Variants in PCDHGB3 observed in about 807,000 individuals in gnomAD.
PCDHGB3 encodes protocadherin gamma-B3.
A neutral mutation model predicts 59.2 loss-of-function variants in PCDHGB3; 40 were observed. The observed-to-expected ratio is 0.68, with a 90% CI of 0.52 to 0.88. PCDHGB3 has a LOEUF of 0.88. Ranked by LOEUF, PCDHGB3 falls within the 40% of genes least tolerant of loss-of-function variation. The pLI is 0.00. For missense variants in PCDHGB3, 1,309 were observed against 1,187.9 expected (o/e 1.10, Z -1.50); for synonymous variants, 581 against 503.6 (o/e 1.15, Z -2.06).
chr5:141,430,015 T>G (rs2097256653), intron 1 of PCDHGB3, among the ~76,000 whole-genome samples: 1 of 152,236 alleles, frequency 6.6e-6, no homozygotes, highest in South Asian at 2.1e-4. Context: ...TTCACTTGGG[T>G]TCTTGTTAAG....
intron 1 of PCDHGB3, among the ~76,000 whole-genome samples, chr5:141,397,541 C>G (rs1385892486): frequency 6.6e-6 from 1 of 152,014 alleles, no homozygotes; most frequent in Non-Finnish European, 1.5e-5. Context: ...TTTTTGAAAT[C>G]AGTATAGTAT....
At position 141,491,093 on chromosome 5, in the gene PCDHGB3, T is replaced by G; in HGVS notation, c.2416-3714T>G. The G allele has an allele frequency of 6.2e-7, 1 of 1,614,160 alleles. No individual in the cohort carries two copies. The highest frequency in any genetic ancestry group is 8.5e-7 in the Non-Finnish European group (1 of 1,180,008). On this transcript the variant is annotated intron_variant, in intron 1 of 3. Transcript: ENST00000576222. This position sits in a 1 kb window ranked among gnomAD's most constrained non-coding sequence, Gnocchi z 6.9. ...TTGCCACAGTCCACAGCCCCAGGAC[T>G]GTTCCTCGTGTCTACACACACTGGT... is the stretch of plus-strand genomic sequence containing the variant.
intron 1 of PCDHGB3, among the ~76,000 whole-genome samples, chr5:141,406,639 A>G (rs1301755864): frequency 6.6e-6 from 1 of 152,208 alleles, no homozygotes; most frequent in Non-Finnish European, 1.5e-5. Flanking sequence ...AAAGGTCTTA[A>G]TTTCCTAATG....
At chr5:141,434,536 T>C (rs1037347477) in intron 1 of PCDHGB3, among the ~76,000 whole-genome samples, 7 of 152,186 alleles carry the variant, frequency 4.6e-5, no homozygotes, top group Non-Finnish European at 8.8e-5. Context: ...CCACAAACAA[T>C]AGCATGAGTG....
intron 1 of PCDHGB3, chr5:141,478,308 T>A: frequency 6.2e-7 from 1 of 1,614,050 alleles, no homozygotes; most frequent in Non-Finnish European, 8.5e-7. Context: ...CGAGCCCCGG[T>A]GAGCTCACTG....
At chr5:141,384,906 C>G (rs767972748) in intron 1 of PCDHGB3, 3 of 1,613,882 alleles carry the variant, frequency 1.9e-6, no homozygotes, top group East Asian at 4.5e-5. Flanking sequence ...ACAGCATCCC[C>G]GAAGTCTTGG....
At chr5:141,495,923 T>G (rs1337381299) in intron 2 of PCDHGB3, among the ~76,000 whole-genome samples, 4 of 152,306 alleles carry the variant, frequency 2.6e-5, no homozygotes, top group South Asian at 2.1e-4. Context: ...TTTCTTTGTC[T>G]CTGTCTCTGG....
At chr5:141,413,958 G>C in intron 1 of PCDHGB3, 1 of 1,613,392 alleles carries the variant, frequency 6.2e-7, no homozygotes, top group African/African-American at 1.3e-5. Flanking sequence ...ATTTGCCTGT[G>C]GGCACTCAGC....
intron 1 of PCDHGB3, chr5:141,417,708 G>C (rs1028054307): frequency 1.2e-4 from 152 of 1,227,878 alleles, no homozygotes; most frequent in East Asian, 4.9e-4. Context: ...CCACACAGAG[G>C]CTCCCGGCTG....
At chr5:141,413,221 G>C (rs1384304697) in intron 1 of PCDHGB3, 1 of 1,613,570 alleles carries the variant, frequency 6.2e-7, no homozygotes, top group South Asian at 1.1e-5. Context: ...GGATTGCAGC[G>C]GGCTGGTCCT....
At position 141,403,108 on chromosome 5, in the gene PCDHGB3, G is replaced by A. The variant is rs189164879; in HGVS notation, c.2415+30299G>A. The A allele has an allele frequency of 2.7e-5, 43 of 1,614,086 alleles. No homozygotes were observed. In the African/African-American group the frequency reaches 5.1e-4, roughly 19 times the overall value. ...TTGTGGGCAACATCTCCAAGGACCT[G>A]GCTCTGGAGCCCCGGGAGCTGGCGG... On this transcript the variant is annotated intron_variant, in intron 1 of 3. Coordinates refer to ENST00000576222, the MANE Select transcript of PCDHGB3 (RefSeq NM_018924.5).
chr5:141,450,220 G>A (rs898186696), intron 1 of PCDHGB3, among the ~76,000 whole-genome samples: 12 of 151,956 alleles, frequency 7.9e-5, no homozygotes, highest in African/African-American at 2.9e-4. Flanking sequence ...GTTTCACTAT[G>A]TTGGCCAGGC....
chr5:141,485,961 A>G lies in PCDHGB3; in HGVS notation c.2416-8846A>G. Reference sequence around the variant, plus strand: ...GCACCAGCGGGCATGGTGCTCATCCAGCTCAATGCCTCAGACCCGGACCTG... The same window carrying G: ...GCACCAGCGGGCATGGTGCTCATCCGGCTCAATGCCTCAGACCCGGACCTG... On this transcript the variant is annotated intron_variant, in intron 1 of 3. Coordinates refer to ENST00000576222, the MANE Select transcript of PCDHGB3 (RefSeq NM_018924.5). This position sits in a 1 kb window ranked among gnomAD's most constrained non-coding sequence, Gnocchi z 5.7. 1 of 1,614,204 alleles carries G rather than the reference A, an allele frequency of 6.2e-7. No individual in the cohort carries two copies. Among genetic ancestry groups the G allele is most frequent in the Non-Finnish European group, 8.5e-7 (1 of 1,180,028 alleles).
intron 1 of PCDHGB3, among the ~76,000 whole-genome samples, chr5:141,397,772 A>G (rs1352118170): frequency 6.6e-6 from 1 of 152,238 alleles, no homozygotes; most frequent in Non-Finnish European, 1.5e-5. Context: ...TATTAAGTAT[A>G]TGGACGTAAA....
intron 3 of PCDHGB3, 152 bp from the exon 4 acceptor site, chr5:141,510,795 G>C (rs994874330): frequency 9.3e-5 from 136 of 1,465,100 alleles, no homozygotes; most frequent in Admixed American, 1.7e-4. Flanking sequence ...CTTGTGAAGA[G>C]AGACTACCTT....
At position 141,410,845 on chromosome 5, in the gene PCDHGB3, TTGTC is replaced by T. The variant is rs1434874838; in HGVS notation, c.2415+38038_2415+38041del. 23 of 429,726 alleles carry T rather than the reference TTGTC, an allele frequency of 5.4e-5. 1 individual carries two copies. Among genetic ancestry groups the T allele is most frequent in the Admixed American group, 8.8e-5 (2 of 22,654 alleles). The allele number at this position is 429,726 out of a possible 1,614,324, so 26.6% of individuals were successfully genotyped here. A position where few individuals can be genotyped will look rare whatever the true frequency, so the allele number is the denominator to read the frequency against. Reference sequence around the variant, plus strand: ...TCACCAGACTGAAGATATTTTGTCTTTGTCTTTTTTTTTTTTTTTTTTTTTTGAG... The same window carrying T: ...TCACCAGACTGAAGATATTTTGTCTTTTTTTTTTTTTTTTTTTTTTTTGAG... On this transcript the variant is annotated intron_variant, in intron 1 of 3. Transcript: ENST00000576222.
intron 1 of PCDHGB3, chr5:141,400,421 G>A (rs1158396440): frequency 1.2e-6 from 2 of 1,613,948 alleles, no homozygotes. Flanking sequence ...TTCCTAAAAT[G>A]TAGTGAGCAA....
At chr5:141,422,501 CCA>C in intron 1 of PCDHGB3, 1 of 1,613,928 alleles carries the variant, frequency 6.2e-7, no homozygotes, top group African/African-American at 1.3e-5. Flanking sequence ...ACGTTGACAG[CCA>C]CAGACCAGGG....
rs191184566 is a variant in PCDHGB3 at position 141,373,694 on chromosome 5, A to G, written c.2415+885A>G. Among the ~76,000 whole-genome samples the G allele has an allele frequency of 1.4e-4, 21 of 152,388 alleles. No individual in the cohort carries two copies. The Middle Eastern group carries it at 0.014, about 99-fold the overall frequency. ...GAATGGTAAACTTCAGAGAACATTTAAAATTATTCAAAATAATCTCTTACA... is the reference window on the plus strand; with the variant it reads ...GAATGGTAAACTTCAGAGAACATTTGAAATTATTCAAAATAATCTCTTACA... On this transcript the variant is annotated intron_variant, in intron 1 of 3. Transcript: ENST00000576222.
Sources: allele counts gnomAD v4.1 joint callset (sites outside exome capture counted in the v4.1 genomes callset), GRCh38; gene constraint gnomAD v4.1.1; non-coding constraint Gnocchi (gnomAD v3.1); transcripts MANE v1.5; gene names NCBI Gene and HGNC (gene_info 2026-07-23, HGNC 2026-07-21).